Variants in ITSN1 observed in about 807,000 individuals in gnomAD.
ITSN1 encodes the protein intersectin 1, also known as intersectin-1.
In ITSN1, 58 loss-of-function variants were observed where a neutral mutation model predicts 239.8. The observed-to-expected ratio is 0.24, with a 90% CI of 0.20 to 0.30. The LOEUF is 0.30. Ranked by LOEUF, ITSN1 falls within the 10% of genes least tolerant of loss-of-function variation. The probability of loss-of-function intolerance (pLI) is 1.00; values close to 1 mark genes in which losing one functional copy is unlikely to be tolerated. For synonymous variants in ITSN1, 780 were observed against 770.8 expected (o/e 1.01, Z -0.20); for missense variants, 1,558 against 2,103.3 (o/e 0.74, Z 5.07).
At chr21:33,801,728 A>AGTATACTC (rs1378297358) in intron 19 of ITSN1, among the ~76,000 whole-genome samples, 1 of 152,232 alleles carries the variant, frequency 6.6e-6, no homozygotes, top group Non-Finnish European at 1.5e-5. Flanking sequence ...AACCTCTTCA[A>AGTATACTC]GTATACTCCA....
chr21:33,839,991 C>T (rs2074768696), intron 29 of ITSN1, among the ~76,000 whole-genome samples: 1 of 152,174 alleles, frequency 6.6e-6, no homozygotes, highest in Admixed American at 6.5e-5. Flanking sequence ...AGGTCTCACC[C>T]CACTGGCCAC....
rs774349088 is a variant in ITSN1, at chr21:33,721,231, C to A, written c.82C>A (p.Gln28Lys). The change falls in exon 3 of 40, where the codon CAG becomes AAG. Residue 28 changes from glutamine to lysine, a missense_variant. Transcript: ENST00000381318. ...AGAGGAAAGAGCGAAGCATGATCAG[C>A]AGTTCCATAGTTTAAAGCCAATATC... ...TVEERAKHDQQFHSLKPISGF... is the reference protein window; with the variant it reads ...TVEERAKHDQKFHSLKPISGF... 4 of 1,613,030 alleles carry A rather than the reference C, an allele frequency of 2.5e-6. No individual in the cohort carries two copies. The highest frequency in any genetic ancestry group is 2.5e-6 in the Non-Finnish European group (3 of 1,179,142).
intron 31 of ITSN1, among the ~76,000 whole-genome samples, chr21:33,863,823 T>G (rs1460804989): frequency 6.6e-6 from 1 of 152,222 alleles, no homozygotes; most frequent in Non-Finnish European, 1.5e-5. Context: ...GAGCACATTT[T>G]TGCTCGTTGT....
At chr21:33,647,960 C>T (rs1385157904) in intron 1 of ITSN1, among the ~76,000 whole-genome samples, 1 of 152,230 alleles carries the variant, frequency 6.6e-6, no homozygotes, top group East Asian at 1.9e-4. Context: ...ATGGAATTTG[C>T]AGGATCAAAG....
intron 29 of ITSN1, among the ~76,000 whole-genome samples, chr21:33,848,234 C>T (rs892819793): frequency 1.4e-4 from 22 of 152,188 alleles, no homozygotes; most frequent in Non-Finnish European, 4.4e-5. Flanking sequence ...GAAGTGAACA[C>T]GAGGCTGTTA....
intron 26 of ITSN1, 118 bp from the exon 27 acceptor site, chr21:33,829,506 G>A: frequency 5.6e-6 from 6 of 1,065,706 alleles, no homozygotes; most frequent in Non-Finnish European, 5.5e-6. Context: ...TAGAAATCCA[G>A]CTCAATACAT....
At chr21:33,868,391 G>A (rs1982073462) in intron 33 of ITSN1, among the ~76,000 whole-genome samples, 1 of 152,220 alleles carries the variant, frequency 6.6e-6, no homozygotes, top group Non-Finnish European at 1.5e-5. Context: ...GGGGAGGCTC[G>A]GGCTGCACAG....
At chr21:33,823,385 C>T (rs1286045733) in intron 24 of ITSN1, 102 bp from the exon 25 acceptor site, 3 of 1,027,950 alleles carry the variant, frequency 2.9e-6, no homozygotes, top group Non-Finnish European at 4.4e-6. Context: ...TTGAATGGAT[C>T]TTGTCCTAAC....
Position 33,898,375 on chromosome 21 carries a change from T to C in ITSN1, c.*10075T>C, listed in dbSNP as rs971931459. On this transcript the variant is annotated 3_prime_UTR_variant, in exon 40 of 40. Coordinates refer to ENST00000381318, the MANE Select transcript of ITSN1 (RefSeq NM_003024.3). ...AGCCGTTTTGGGGCAGGCTTCTGGA[T>C]GCCCATGTTTCCATGGAGACCCCAG... 2.6e-5 allele frequency: 4 copies of C among 152,254 alleles called. No individual in the cohort carries two copies. The highest frequency in any genetic ancestry group is 9.6e-5 in the African/African-American group (4 of 41,458). The allele number at this position is 152,254 out of a possible 1,614,324, so 9.4% of individuals were successfully genotyped here.
chr21:33,781,364 A>G (rs1289561496), intron 14 of ITSN1, 97 bp from the exon 15 acceptor site: 1 of 695,718 alleles, frequency 1.4e-6, no homozygotes, highest in African/African-American at 1.9e-5. Context: ...GGATTTGGGA[A>G]GAGTCTGAGA....
intron 1 of ITSN1, among the ~76,000 whole-genome samples, chr21:33,673,993 T>C (rs2090451933): frequency 6.6e-6 from 1 of 152,262 alleles, no homozygotes; most frequent in Admixed American, 6.5e-5. Flanking sequence ...GTATTTCTTC[T>C]AGATTGGGCT....
chr21:33,692,788 C>T lies in ITSN1; in HGVS notation c.-32-26009C>T, dbSNP rs78605679. Among the ~76,000 whole-genome samples the T allele has an allele frequency of 1.2e-4, 18 of 146,874 alleles. No homozygotes were observed. In the East Asian group the frequency reaches 3.1e-3, roughly 26 times the overall value. On this transcript the variant is annotated intron_variant, in intron 1 of 39. Transcript: ENST00000381318. ...CAGTAATCTATTTCTTTTTTTTTTT[C>T]GAGACGGAGTTTTGCTCTGTCACCC...
intron 22 of ITSN1, chr21:33,817,516 G>A (rs758755229): frequency 4.6e-6 from 6 of 1,304,348 alleles, no homozygotes; most frequent in Non-Finnish European, 6.1e-6. Context: ...CTCCTTTTTA[G>A]TATATTTCAT....
chr21:33,715,113 C>T (rs985230627), intron 1 of ITSN1, among the ~76,000 whole-genome samples: 4 of 152,058 alleles, frequency 2.6e-5, no homozygotes, highest in Admixed American at 2.0e-4. Context: ...AACAAACCAA[C>T]CTATTAAAAT....
chr21:33,760,320 T>C (rs1453831742), intron 8 of ITSN1, among the ~76,000 whole-genome samples: 4 of 152,032 alleles, frequency 2.6e-5, no homozygotes, highest in Non-Finnish European at 5.9e-5. Context: ...GAGAGGCAAA[T>C]AGGGGCATCT....
At chr21:33,776,108 ATATTCAGG>A (rs1375284445) in intron 14 of ITSN1, among the ~76,000 whole-genome samples, 4 of 152,166 alleles carry the variant, frequency 2.6e-5, no homozygotes, top group African/African-American at 7.2e-5. Context: ...CTACTGGTTG[ATATTCAGG>A]TTCTTTCCAG....
intron 16 of ITSN1, among the ~76,000 whole-genome samples, chr21:33,793,813 T>G (rs1282290968): frequency 6.6e-6 from 1 of 152,086 alleles, no homozygotes; most frequent in African/African-American, 2.4e-5. Flanking sequence ...AAATAGACCC[T>G]GGGGGGAAGA....
intron 17 of ITSN1, among the ~76,000 whole-genome samples, chr21:33,796,655 C>A (rs537350944): frequency 8.5e-5 from 13 of 152,328 alleles, no homozygotes; most frequent in African/African-American, 2.9e-4. Context: ...TCTGCCCCAG[C>A]TTCCTCATTT....
At chr21:33,743,179 A>T (rs1435110434) in intron 5 of ITSN1, among the ~76,000 whole-genome samples, 1 of 152,180 alleles carries the variant, frequency 6.6e-6, no homozygotes, top group Admixed American at 6.5e-5. Context: ...ATTAAAAGGA[A>T]ATGAGGCTGG....
Sources: allele counts gnomAD v4.1 joint callset (sites outside exome capture counted in the v4.1 genomes callset), GRCh38; gene constraint gnomAD v4.1.1; transcripts MANE v1.5; gene names NCBI Gene and HGNC (gene_info 2026-07-23, HGNC 2026-07-21).